PDE4D: variants seen among roughly 807,000 people sequenced by gnomAD.
PDE4D encodes the protein phosphodiesterase 4D, also known as 3',5'-cyclic-AMP phosphodiesterase 4D.
In PDE4D, 24 loss-of-function variants were observed where a neutral mutation model predicts 87.4. The ratio of observed to expected loss-of-function variants is 0.27; its 90% CI spans 0.20 to 0.39. PDE4D has a LOEUF of 0.39. Among genes scored for constraint, PDE4D ranks in the 10% least tolerant of loss-of-function variants. The pLI is 1.00. For synonymous variants in PDE4D, 384 were observed against 383.2 expected (o/e 1.00, Z -0.02); for missense variants, 714 against 1,041.0 (o/e 0.69, Z 4.32).
intron 2 of PDE4D, among the ~76,000 whole-genome samples, chr5:60,084,221 A>T (rs1341307950): frequency 6.6e-6 from 1 of 152,242 alleles, no homozygotes; most frequent in African/African-American, 2.4e-5. Flanking sequence ...TGTTTTAAAC[A>T]TCAGAGAGAA....
chr5:59,717,631 T>C lies in PDE4D; in HGVS notation c.455+175537A>G, dbSNP rs149543090. On this transcript the variant is annotated intron_variant, in intron 1 of 14. Coordinates refer to ENST00000340635, the MANE Select transcript of PDE4D (RefSeq NM_001104631.2). Reference sequence around the variant, plus strand: ...TATTAGGATAGATCCAATGTTACATTAAACTGAGGACAGCTCTTCACTGTG... The same window carrying C: ...TATTAGGATAGATCCAATGTTACATCAAACTGAGGACAGCTCTTCACTGTG... 2.1e-3 allele frequency among the ~76,000 whole-genome samples: 313 copies of C among 152,318 alleles called. 1 individual carries two copies. The highest frequency in any genetic ancestry group is 7.3e-3 in the African/African-American group (302 of 41,574).
At chr5:59,118,801 G>A (rs1580891511) in intron 5 of PDE4D, among the ~76,000 whole-genome samples, 1 of 152,138 alleles carries the variant, frequency 6.6e-6, no homozygotes, top group East Asian at 1.9e-4. Context: ...GTGAAACCTG[G>A]TTTATCCCCA....
At chr5:59,329,341 A>C (rs912787454) in intron 1 of PDE4D, among the ~76,000 whole-genome samples, 22 of 152,290 alleles carry the variant, frequency 1.4e-4, no homozygotes, top group Admixed American at 9.8e-4. Context: ...TTTTCATGGA[A>C]TCATTTGCTA....
intron 1 of PDE4D, among the ~76,000 whole-genome samples, chr5:59,816,908 G>C (rs571378416): frequency 6.6e-6 from 1 of 152,322 alleles, no homozygotes; most frequent in Non-Finnish European, 1.5e-5. Flanking sequence ...ATGCAAATTT[G>C]TTCCTAGATC....
intron 1 of PDE4D, among the ~76,000 whole-genome samples, chr5:59,380,156 A>G (rs970006234): frequency 7.2e-5 from 11 of 152,208 alleles, no homozygotes; most frequent in Admixed American, 7.2e-4. Flanking sequence ...ACATCTGTCA[A>G]TATACATTAT....
intron 2 of PDE4D, among the ~76,000 whole-genome samples, chr5:59,997,176 A>G (rs1485716269): frequency 2.0e-5 from 3 of 152,064 alleles, no homozygotes; most frequent in African/African-American, 4.8e-5. Flanking sequence ...TAGAGGAAGG[A>G]AAAAAAATAA....
At chr5:59,374,613 A>G (rs1334152585) in intron 1 of PDE4D, among the ~76,000 whole-genome samples, 2 of 152,204 alleles carry the variant, frequency 1.3e-5, no homozygotes, top group Non-Finnish European at 2.9e-5. Context: ...AATATTAGAT[A>G]TATCATCAAG....
At chr5:59,399,923 G>C (rs1790262632) in intron 1 of PDE4D, among the ~76,000 whole-genome samples, 2 of 113,036 alleles carry the variant, frequency 1.8e-5, no homozygotes. Context: ...GTGGGCGAAG[G>C]ACATGAACAG....
chr5:60,048,017 T>A (rs866473018), intron 2 of PDE4D, among the ~76,000 whole-genome samples: 5 of 152,110 alleles, frequency 3.3e-5, no homozygotes, highest in South Asian at 2.1e-4. Context: ...TTTGTAGGTC[T>A]CTCAGGACTT....
intron 5 of PDE4D, among the ~76,000 whole-genome samples, chr5:59,105,449 T>C (rs551820042): frequency 1.3e-5 from 2 of 152,262 alleles, no homozygotes; most frequent in South Asian, 2.1e-4. Flanking sequence ...TCAAATTCTA[T>C]TGAGAATCAC....
intron 2 of PDE4D, among the ~76,000 whole-genome samples, chr5:60,154,697 A>C (rs1781808344): frequency 6.6e-6 from 1 of 152,240 alleles, no homozygotes; most frequent in Non-Finnish European, 1.5e-5. Context: ...GCATATTATC[A>C]GCACCCAGAA....
At chr5:59,224,300 A>ACACG (rs1261626458) in intron 1 of PDE4D, among the ~76,000 whole-genome samples, 1 of 146,878 alleles carries the variant, frequency 6.8e-6, no homozygotes, top group Non-Finnish European at 1.5e-5. Flanking sequence ...ACATACACAC[A>ACACG]CACACACACA....
chr5:59,470,755 ATGT>A (rs1163598585), intron 1 of PDE4D, among the ~76,000 whole-genome samples: 6 of 152,158 alleles, frequency 3.9e-5, no homozygotes, highest in Admixed American at 3.9e-4. Context: ...TACAGGATAG[ATGT>A]TGTGGCATAT....
intron 1 of PDE4D, among the ~76,000 whole-genome samples, chr5:59,520,885 A>G (rs1812096441): frequency 8.6e-6 from 1 of 116,476 alleles, no homozygotes; most frequent in Non-Finnish European, 1.6e-5. Flanking sequence ...ATATACATAT[A>G]TACACATATA....
chr5:59,339,735 T>C (rs1778380348), intron 1 of PDE4D, among the ~76,000 whole-genome samples: 1 of 152,180 alleles, frequency 6.6e-6, no homozygotes, highest in African/African-American at 2.4e-5. Flanking sequence ...CTTGAGAGAA[T>C]GATTGAAGCA....
chr5:60,134,967 C>T (rs182090998), intron 2 of PDE4D, among the ~76,000 whole-genome samples: 125 of 152,270 alleles, frequency 8.2e-4, no homozygotes, highest in African/African-American at 2.7e-3. Flanking sequence ...AAACTCTGCT[C>T]TGAAGTAAGC....
rs1757044018 is a variant in PDE4D, at chr5:60,328,864, T to TA, written c.-89-143178dup. Among the ~76,000 whole-genome samples the TA allele has an allele frequency of 2.0e-5, 3 of 152,290 alleles. No homozygotes were observed. In the South Asian group the frequency reaches 6.2e-4, roughly 32 times the overall value. On this transcript the variant is annotated intron_variant, in intron 1 of 16. Transcript: ENST00000502484. ...CCCTTTTTTCCCTGAAAACAGGAGATAAAATCTCACATGTGAAAGTTGCTG... is the reference window on the plus strand; with the variant it reads ...CCCTTTTTTCCCTGAAAACAGGAGATAAAAATCTCACATGTGAAAGTTGCTG...
intron 1 of PDE4D, among the ~76,000 whole-genome samples, chr5:59,547,100 T>A (rs1197220520): frequency 6.6e-6 from 1 of 152,186 alleles, no homozygotes; most frequent in African/African-American, 2.4e-5. Context: ...GGATGTTGAC[T>A]TATTAATAAA....
chr5:59,496,468 C>T (rs1269833798), intron 1 of PDE4D, among the ~76,000 whole-genome samples: 2 of 152,132 alleles, frequency 1.3e-5, no homozygotes, highest in Non-Finnish European at 2.9e-5. Context: ...CCCTTCTTTA[C>T]CCAGCACTTC....
Sources: gnomAD v4.1 joint callset for allele counts (sites outside exome capture counted in the v4.1 genomes callset) on GRCh38, gnomAD v4.1.1 for gene constraint, MANE v1.5 for transcripts, NCBI Gene and HGNC (gene_info 2026-07-23, HGNC 2026-07-21) for gene names.